Variants in CENPT observed in about 807,000 individuals in gnomAD.
The protein encoded by CENPT is interphase centromere complex protein 22.
CENPT carries 42 observed loss-of-function variants against 59.7 expected under a neutral mutation model. The observed-to-expected ratio is 0.70, with a 90% confidence interval of 0.55 to 0.91. The LOEUF (loss-of-function observed/expected upper bound fraction) is 0.91. Ranked by LOEUF, CENPT falls within the 40% of genes least tolerant of loss-of-function variation. The probability of loss-of-function intolerance (pLI) is 0.00; values close to 1 mark genes in which losing one functional copy is unlikely to be tolerated. For missense variants in CENPT, 716 were observed against 713.4 expected (o/e 1.00, Z -0.04); for synonymous variants, 295 against 289.6 (o/e 1.02, Z -0.19).
At chr16:67,839,243 G>A (rs995805989) in intron 1 of CENPT, among the ~76,000 whole-genome samples, 3 of 152,072 alleles carry the variant, frequency 2.0e-5, no homozygotes, top group East Asian at 3.9e-4. Flanking sequence ...AAAATTAGCC[G>A]GGTATGGTGG....
intron 13 of CENPT, 157 bp from the exon 14 acceptor site, chr16:67,829,000 G>T: frequency 3.0e-6 from 2 of 659,452 alleles, no homozygotes; most frequent in Non-Finnish European, 4.9e-6. Flanking sequence ...AGTTGGGTCA[G>T]GGGGCCACAT....
rs781183528 is a variant in CENPT at position 67,830,524 on chromosome 16, G to A, written c.728C>T (p.Pro243Leu). 51 of 1,613,988 alleles carry A rather than the reference G, an allele frequency of 3.2e-5. No individual in the cohort carries two copies. Among genetic ancestry groups the A allele is most frequent in the East Asian group, 1.3e-4 (6 of 44,888 alleles). ...GGAGCCAACCATGGGCTGAGAGAAC[G>A]GCTGGGTGTCCTCCAACACAATGTC... ...PPNIVLEDTQ[P>L]FSQPMVGSPN... The change falls in exon 11 of 16, where the codon CCG becomes CTG. Residue 243 changes from proline (P) to leucine (L), a missense_variant. Pro to Leu is a moderately conservative substitution (Grantham distance 98, BLOSUM62 -3). Transcript: ENST00000562787.
rs369723488 is a variant in CENPT at position 67,843,608 on chromosome 16, C to T, written c.-492+3793G>A. The T allele has an allele frequency of 5.0e-5, 56 of 1,124,694 alleles. No individual in the cohort carries two copies. In the African/African-American group the frequency reaches 6.9e-4, roughly 14 times the overall value. 69.7% of individuals were successfully genotyped at this position (1,124,694 alleles called of 1,614,324 possible). A position where few individuals can be genotyped will look rare whatever the true frequency, so the allele number is the denominator to read the frequency against. On this transcript the variant is annotated intron_variant, in intron 1 of 15. Transcript: ENST00000562787. The surrounding 1 kb of genome is among the most constrained non-coding windows in gnomAD (Gnocchi z 5.7). Reference sequence around the variant, plus strand: ...TGGGCACTGGTTGACAGTACTGAGGCTTAAGGCAGCTGGACTCTCTTGCTG... The same window carrying T: ...TGGGCACTGGTTGACAGTACTGAGGTTTAAGGCAGCTGGACTCTCTTGCTG...
At chr16:67,839,777 G>A (rs2057751104) in intron 1 of CENPT, among the ~76,000 whole-genome samples, 1 of 152,116 alleles carries the variant, frequency 6.6e-6, no homozygotes, top group Non-Finnish European at 1.5e-5. Flanking sequence ...GGGAGGCTGA[G>A]GCAGGAGAAT....
In CENPT at chr16:67,831,275, C is replaced by T. The variant is rs746805575; in HGVS notation, c.644G>A (p.Arg215Gln). 39 of 1,614,048 alleles carry T rather than the reference C, an allele frequency of 2.4e-5. No individual in the cohort carries two copies. Among genetic ancestry groups the T allele is most frequent in the Admixed American group, 5.0e-5 (3 of 60,006 alleles). ...PGLARRPPAR[R>Q]AVDVGAFLRD... ...CAAAAAGGCACCCACGTCTACAGCT[C>T]GGCGGGCTGGAGGTCTGCGGGCCAA... Residue 215 changes from arginine to glutamine, a missense_variant, in exon 10 of 16, where the codon CGA becomes CAA. Physicochemically the swap from Arg to Gln is conservative, Grantham distance 43. Coordinates refer to ENST00000562787, the MANE Select transcript of CENPT (RefSeq NM_025082.4).
intron 11 of CENPT, 74 bp from the exon 12 acceptor site, chr16:67,830,162 T>C: frequency 6.8e-7 from 1 of 1,460,784 alleles, no homozygotes; most frequent in Non-Finnish European, 9.5e-7. Flanking sequence ...AGGGTAAAGA[T>C]GGACCAGCAG....
chr16:67,828,414 C>A, intron 15 of CENPT, 24 bp from the exon 16 acceptor site: 3 of 1,612,720 alleles, frequency 1.9e-6, no homozygotes, highest in Non-Finnish European at 2.5e-6. Flanking sequence ...AGAGAAGGGA[C>A]AGGCAGAATC....
intron 1 of CENPT, chr16:67,846,966 C>CTGCCGT (rs1225078927): frequency 6.6e-6 from 1 of 152,470 alleles, no homozygotes; most frequent in Non-Finnish European, 1.5e-5. Flanking sequence ...GCCGCTGCCG[C>CTGCCGT]CATCGTGCCA....
chr16:67,843,572 C>A lies in CENPT; in HGVS notation c.-492+3829G>T. 2 of 1,456,294 alleles carry A rather than the reference C, an allele frequency of 1.4e-6. No individual in the cohort carries two copies. The highest frequency in any genetic ancestry group is 1.3e-5 in the South Asian group (1 of 76,316). The allele number at this position is 1,456,294 out of a possible 1,614,324, so 90.2% of individuals were successfully genotyped here. On this transcript the variant is annotated intron_variant, in intron 1 of 15. Transcript: ENST00000562787. This position sits in a 1 kb window ranked among gnomAD's most constrained non-coding sequence, Gnocchi z 5.7. ...GGGACCGCAGGCCATTGTTGAACTC[C>A]TCTATACTCCTGGGCACTGGTTGAC...
In CENPT at chr16:67,828,748, C is replaced by G; in HGVS notation, c.1376G>C (p.Gly459Ala). 1 of 1,613,512 alleles carries G rather than the reference C, an allele frequency of 6.2e-7. No homozygotes were observed. Among genetic ancestry groups the G allele is most frequent in the Non-Finnish European group, 8.5e-7 (1 of 1,179,868 alleles). Reference protein sequence around the residue: ...PRPRQDPHKAGLSHYVKLFSF... With the variant: ...PRPRQDPHKAALSHYVKLFSF... ...AAAGAGTTTCACATAGTGGCTCAGT[C>G]CAGCCTTGTGGGGATCTTGCCGGGG... Residue 459 changes from glycine (G) to alanine (A), a missense_variant, in exon 14 of 16, where the codon GGA (glycine) becomes GCA (alanine). Coordinates refer to ENST00000562787, the MANE Select transcript of CENPT (RefSeq NM_025082.4).
At chr16:67,832,626 T>C in intron 4 of CENPT, 81 bp from the exon 5 acceptor site, 2 of 1,307,506 alleles carry the variant, frequency 1.5e-6, no homozygotes, top group Non-Finnish European at 2.1e-6. Flanking sequence ...ATCAGGGGTC[T>C]TGGTCTGGAG....
At position 67,842,534 on chromosome 16, in the gene CENPT, G is replaced by A; in HGVS notation, c.-492+4867C>T. 6.7e-7 allele frequency: 1 copy of A among 1,490,300 alleles called. No homozygotes were observed. The highest frequency in any genetic ancestry group is 1.3e-5 in the South Asian group (1 of 76,200). 92.3% of individuals were successfully genotyped at this position (1,490,300 alleles called of 1,614,324 possible). A position where few individuals can be genotyped will look rare whatever the true frequency, so the allele number is the denominator to read the frequency against. On this transcript the variant is annotated intron_variant, in intron 1 of 15. Coordinates refer to ENST00000562787, the MANE Select transcript of CENPT (RefSeq NM_025082.4). This position sits in a 1 kb window ranked among gnomAD's most constrained non-coding sequence, Gnocchi z 4.9. ...AGAGCGCAGGAGGCCGGTGGGCCGG[G>A]CCGGGCCGCGCGGCGCAGCCATGCC...
chr16:67,834,261 G>A (rs1416018072), intron 3 of CENPT, 161 bp from the exon 4 acceptor site: 1 of 170,282 alleles, frequency 5.9e-6, no homozygotes, highest in African/African-American at 2.4e-5. Flanking sequence ...CCGAAGATGA[G>A]GAGAGACACT....
In CENPT at chr16:67,842,243, C is replaced by G. The variant is rs991977028; in HGVS notation, c.-492+5158G>C. 1.2e-4 allele frequency: 18 copies of G among 154,642 alleles called. No homozygotes were observed. The highest frequency in any genetic ancestry group is 4.3e-4 in the African/African-American group (18 of 41,536). 9.6% of individuals were successfully genotyped at this position (154,642 alleles called of 1,614,324 possible). A position where few individuals can be genotyped will look rare whatever the true frequency, so the allele number is the denominator to read the frequency against. On this transcript the variant is annotated intron_variant, in intron 1 of 15. Coordinates refer to ENST00000562787, the MANE Select transcript of CENPT (RefSeq NM_025082.4). This position sits in a 1 kb window ranked among gnomAD's most constrained non-coding sequence, Gnocchi z 4.9. ...GGCAGGAATCCGCACACACCCGCCCCGGAAGTGAGCCGCTTCTGGCGCGGG... is the reference window on the plus strand; with the variant it reads ...GGCAGGAATCCGCACACACCCGCCCGGGAAGTGAGCCGCTTCTGGCGCGGG...
In CENPT at chr16:67,843,693, C is replaced by T. The variant is rs2057780265; in HGVS notation, c.-492+3708G>A. On this transcript the variant is annotated intron_variant, in intron 1 of 15. Coordinates refer to ENST00000562787, the MANE Select transcript of CENPT (RefSeq NM_025082.4). The surrounding 1 kb of genome is among the most constrained non-coding windows in gnomAD (Gnocchi z 5.7). ...TGGAAGCTGGGGCCTTAGACTCTGC[C>T]CTGGTGACACCAGCAATTATGACTT... 1.8e-6 allele frequency: 1 copy of T among 564,946 alleles called. No homozygotes were observed. The highest frequency in any genetic ancestry group is 3.2e-6 in the Non-Finnish European group (1 of 316,068). 35.0% of individuals were successfully genotyped at this position (564,946 alleles called of 1,614,324 possible).
At chr16:67,830,607 G>T in intron 10 of CENPT, 59 bp from the exon 11 acceptor site, 2 of 1,570,930 alleles carry the variant, frequency 1.3e-6, no homozygotes, top group Non-Finnish European at 8.7e-7. Context: ...GGGCCAGCTG[G>T]CTCTCAGCGT....
chr16:67,833,528 C>T (rs971884976), intron 4 of CENPT, among the ~76,000 whole-genome samples: 2 of 152,232 alleles, frequency 1.3e-5, no homozygotes, highest in Non-Finnish European at 2.9e-5. Context: ...CTGGCCCGGG[C>T]CCGGCTAGAG....
At chr16:67,844,567 G>A (rs1481349022) in intron 1 of CENPT, among the ~76,000 whole-genome samples, 1 of 152,170 alleles carries the variant, frequency 6.6e-6, no homozygotes, top group African/African-American at 2.4e-5. Context: ...CATCCCTTAG[G>A]CTTAGCACAG....
intron 11 of CENPT, 70 bp from the exon 12 acceptor site, chr16:67,830,158 A>G (rs2057671937): frequency 6.8e-7 from 1 of 1,476,620 alleles, no homozygotes; most frequent in Non-Finnish European, 9.4e-7. Flanking sequence ...GAGAAGGGTA[A>G]AGATGGACCA....
Sources: gnomAD v4.1 joint callset for allele counts (sites outside exome capture counted in the v4.1 genomes callset) on GRCh38, gnomAD v4.1.1 for gene constraint, Gnocchi (gnomAD v3.1) non-coding constraint, MANE v1.5 for transcripts, NCBI Gene and HGNC (gene_info 2026-07-23, HGNC 2026-07-21) for gene names.